Variants in HAVCR1 observed in about 807,000 individuals in gnomAD.
HAVCR1 encodes hepatitis A virus cellular receptor 1.
HAVCR1 carries 34 observed loss-of-function variants against 32.0 expected under a neutral mutation model. The observed-to-expected ratio is 1.06, with a 90% CI of 0.81 to 1.42. The LOEUF is 1.42. Ranked by LOEUF, HAVCR1 falls within the 40% of genes most tolerant of loss-of-function variation. The probability of loss-of-function intolerance (pLI) is 0.00; values close to 1 mark genes in which losing one functional copy is unlikely to be tolerated. For missense variants in HAVCR1, 420 were observed against 442.3 expected (o/e 0.95, Z 0.45); for synonymous variants, 178 against 170.3 (o/e 1.05, Z -0.35).
At chr5:157,065,110 G>A in the HAVCR1 span, among the ~76,000 whole-genome samples, 9 of 152,040 alleles carry the variant, frequency 5.9e-5, no homozygotes, top group Non-Finnish European at 7.4e-5. Flanking sequence ...GGCGGATCAC[G>A]AGATCGAGAC....
Position 157,042,651 on chromosome 5 carries a change from A to G in HAVCR1, c.813T>C (p.Asp271=). 6.3e-7 allele frequency: 1 copy of G among 1,597,690 alleles called. No homozygotes were observed. Among genetic ancestry groups the G allele is most frequent in the South Asian group, 1.1e-5 (1 of 90,386 alleles). Residue 271 remains aspartate (D), a synonymous_variant, in exon 6 of 9, where the codon GAT becomes GAC. Coordinates refer to ENST00000523175, the MANE Select transcript of HAVCR1 (RefSeq NM_001173393.3). ...DGNDTVTESS[D]GLWNNNQTQL... is the part of the protein sequence containing the mutation. ...CAGTTTGATTGTTATTCCAAAGGCC[A>G]TCTGAAGACTCTGTCACGGTGTCAT...
intron 6 of HAVCR1, among the ~76,000 whole-genome samples, chr5:157,041,935 T>G (rs1754922311): frequency 6.6e-6 from 1 of 152,090 alleles, no homozygotes; most frequent in South Asian, 2.1e-4. Context: ...GGCGTGCGCC[T>G]GTAGTCCCAA....
chr5:157,058,004 T>C, intron 1 of HAVCR1, 49 bp from the exon 2 acceptor site: 1 of 1,277,264 alleles, frequency 7.8e-7, no homozygotes, highest in Middle Eastern at 1.9e-4. Flanking sequence ...CACCAGATGG[T>C]ATCTGATCAA....
intron 5 of HAVCR1, among the ~76,000 whole-genome samples, chr5:157,047,880 A>G (rs1755501545): frequency 6.6e-6 from 1 of 152,158 alleles, no homozygotes; most frequent in South Asian, 2.1e-4. Flanking sequence ...TGGGAGGGGC[A>G]GTCTTGGGGA....
chr5:157,068,657 T>A, the HAVCR1 span, among the ~76,000 whole-genome samples: 2 of 150,918 alleles, frequency 1.3e-5, no homozygotes, highest in African/African-American at 4.9e-5. Context: ...TTTTTTACAT[T>A]TTTTTTTTTG....
At chr5:157,044,677 G>GAAA (rs763984842) in intron 5 of HAVCR1, among the ~76,000 whole-genome samples, 2 of 91,758 alleles carry the variant, frequency 2.2e-5, no homozygotes, top group African/African-American at 3.3e-5. Context: ...AAGAAAGAAA[G>GAAA]GAGGGAGGGA....
At chr5:157,030,512 G>C (rs975349020) in intron 8 of HAVCR1, among the ~76,000 whole-genome samples, 1 of 152,028 alleles carries the variant, frequency 6.6e-6, no homozygotes, top group African/African-American at 2.4e-5. Flanking sequence ...AATTAGCCAG[G>C]TGTGGTGGCT....
In HAVCR1 at chr5:157,052,584, AAC is replaced by A. The variant is rs780167243; in HGVS notation, c.448_449del (p.Val150SerfsTer73). The A allele has an allele frequency of 7.4e-6, 12 of 1,611,638 alleles. No individual in the cohort carries two copies. The East Asian group carries it at 1.1e-4, about 15-fold the overall frequency. On this transcript the variant is annotated frameshift_variant, in exon 4 of 9. Transcript: ENST00000523175. LOFTEE classifies it high-confidence loss of function. ...TVTTVRTSTTVPTTTTVPMTT... is the reference protein window; with the variant it reads ...TVTTVRTSTTXPTTTTVPMTT... ...TCATTGGAACAGTCGTTGTCGTTGG[AAC>A]AGTGGTGCTCGTTCGAACAGTCGTG...
rs761993425 is a variant in HAVCR1 at position 157,055,336 on chromosome 5, C to T, written c.244G>A (p.Asp82Asn). The change falls in exon 3 of 9, where the codon GAC becomes AAC. Residue 82 changes from aspartate (D) to asparagine (N), a missense_variant. Coordinates refer to ENST00000523175, the MANE Select transcript of HAVCR1 (RefSeq NM_001173393.3). ...RKDTRYKLLGDLSRRDVSLTI... is the reference protein window; with the variant it reads ...RKDTRYKLLGNLSRRDVSLTI... Reference sequence around the variant, plus strand: ...AAAGAGACATCCCTTCTTGAAAGGTCCCCCAATAGCTTATAGCGTGTGTCC... The same window carrying T: ...AAAGAGACATCCCTTCTTGAAAGGTTCCCCAATAGCTTATAGCGTGTGTCC... 9.3e-6 allele frequency: 15 copies of T among 1,612,792 alleles called. No homozygotes were observed. The highest frequency in any genetic ancestry group is 1.2e-5 in the Non-Finnish European group (14 of 1,178,906).
intron 2 of HAVCR1, among the ~76,000 whole-genome samples, chr5:157,057,565 A>C (rs550967686): frequency 7.2e-5 from 11 of 152,106 alleles, no homozygotes; most frequent in African/African-American, 2.7e-4. Flanking sequence ...CACATTACCC[A>C]CTGTCACTAT....
In HAVCR1 at chr5:157,049,109, G is replaced by T. The variant is rs1755592705; in HGVS notation, c.710C>A (p.Thr237Asn). 8.1e-6 allele frequency: 13 copies of T among 1,612,672 alleles called. No homozygotes were observed. Among genetic ancestry groups the T allele is most frequent in the South Asian group, 1.1e-5 (1 of 91,062 alleles). Residue 237 changes from threonine (T) to asparagine (N), a missense_variant, in exon 5 of 9, where the codon ACC becomes AAC. Coordinates refer to ENST00000523175, the MANE Select transcript of HAVCR1 (RefSeq NM_001173393.3). Reference protein sequence around the residue: ...TSPSSPQPAETHPTTLQGAIR... With the variant: ...TSPSSPQPAENHPTTLQGAIR... ...TGCTCCCTGCAGTGTCGTAGGGTGG[G>T]TTTCTGCTGGCTGAGGTGAAGATGG...
chr5:157,044,826 A>G (rs1253820562), intron 5 of HAVCR1, among the ~76,000 whole-genome samples: 2 of 95,326 alleles, frequency 2.1e-5, no homozygotes, highest in Non-Finnish European at 4.1e-5. Context: ...GATGCAGAAA[A>G]ACAGCACGGA....
chr5:157,067,563 T>C, the HAVCR1 span, among the ~76,000 whole-genome samples: 1 of 152,170 alleles, frequency 6.6e-6, no homozygotes, highest in African/African-American at 2.4e-5. Context: ...CCCAACTACC[T>C]GGAAGGCTGA....
intron 5 of HAVCR1, among the ~76,000 whole-genome samples, chr5:157,044,431 GAA>G (rs1353064603): frequency 5.7e-4 from 14 of 24,496 alleles, no homozygotes; most frequent in East Asian, 1.8e-3. Context: ...GAGAAAGAAA[GAA>G]AGAAAGAAAG....
intron 5 of HAVCR1, among the ~76,000 whole-genome samples, chr5:157,044,405 GAAGGAAGGAAGGAAGGAGAA>G (rs1249034817): frequency 3.1e-5 from 1 of 32,670 alleles, no homozygotes; most frequent in Non-Finnish European, 5.7e-5. Flanking sequence ...AGGAAGGAAG[GAAGGAAGGAAGGAAGGAGAA>G]AGAAAGAAAG....
At chr5:157,031,752 G>A (rs1216006496) in intron 8 of HAVCR1, among the ~76,000 whole-genome samples, 1 of 149,884 alleles carries the variant, frequency 6.7e-6, no homozygotes, top group African/African-American at 2.5e-5. Context: ...TCCAGGAGGT[G>A]GAGGTTGCAG....
intron 7 of HAVCR1, 23 bp from the exon 8 acceptor site, chr5:157,032,910 G>A: frequency 6.7e-7 from 1 of 1,499,544 alleles, no homozygotes; most frequent in Non-Finnish European, 9.1e-7. Flanking sequence ...GGTGGGGAGA[G>A]AGGAGTTGAA....
intron 6 of HAVCR1, among the ~76,000 whole-genome samples, chr5:157,037,878 G>A (rs1754629579): frequency 6.6e-6 from 1 of 152,022 alleles, no homozygotes; most frequent in Non-Finnish European, 1.5e-5. Context: ...GCTGGGTGTG[G>A]TGCTGCACGC....
At chr5:157,046,484 A>T (rs2113577442) in intron 5 of HAVCR1, among the ~76,000 whole-genome samples, 1 of 152,242 alleles carries the variant, frequency 6.6e-6, no homozygotes, top group East Asian at 1.9e-4. Context: ...ACTTGAAAGA[A>T]TAGTAAGGAT....
Sources: allele counts gnomAD v4.1 joint callset (sites outside exome capture counted in the v4.1 genomes callset), GRCh38; gene constraint gnomAD v4.1.1; transcripts MANE v1.5; gene names NCBI Gene and HGNC (gene_info 2026-07-23, HGNC 2026-07-21).